Variants in KCTD15 observed in about 807,000 individuals in gnomAD.
The protein encoded by KCTD15 is potassium channel tetramerization domain containing 15.
Under a neutral mutation model 27.2 loss-of-function variants are expected in KCTD15, and 11 were observed. The ratio of observed to expected loss-of-function variants is 0.41; its 90% CI spans 0.25 to 0.67. The LOEUF (loss-of-function observed/expected upper bound fraction) is 0.67, where lower values mean the gene tolerates loss of function less well. Among genes scored for constraint, KCTD15 ranks in the 30% least tolerant of loss-of-function variants. The probability of loss-of-function intolerance (pLI) is 0.35; values close to 1 mark genes in which losing one functional copy is unlikely to be tolerated. For synonymous variants in KCTD15, 163 were observed against 176.0 expected, an observed-to-expected ratio of 0.93 and a Z score of 0.58; for missense variants, 350 against 409.3, an observed-to-expected ratio of 0.86 and a Z score of 1.25.
At position 33,813,339 on chromosome 19, in the gene KCTD15, G is replaced by T. The variant is rs781146517; in HGVS notation, c.*391G>T. ...GGCAGACTCTGGCGGGTCTCCTAGC[G>T]TCCGAGAGATGGCTTATTTTCTACA... On this transcript the variant is annotated 3_prime_UTR_variant, in exon 7 of 7. Coordinates refer to ENST00000683859, the MANE Select transcript of KCTD15 (RefSeq NM_001129994.2). 5 of 475,056 alleles carry T rather than the reference G, an allele frequency of 1.1e-5. No homozygotes were observed. The highest frequency in any genetic ancestry group is 4.7e-5 in the South Asian group (3 of 63,986). 29.4% of individuals were successfully genotyped at this position (475,056 alleles called of 1,614,324 possible).
chr19:33,804,015 C>G lies in KCTD15; in HGVS notation c.242+2673C>G, dbSNP rs114986079. Among the ~76,000 whole-genome samples the G allele has an allele frequency of 2.6e-5, 4 of 151,080 alleles. No individual in the cohort carries two copies. In the East Asian group the frequency reaches 7.7e-4, roughly 29 times the overall value. On this transcript the variant is annotated intron_variant, in intron 4 of 6. Transcript: ENST00000683859. ...GACTTCGGAAGCCGGCCCCTCAAAC[C>G]CTGCATCCTCTCTCAGAGGGTGGCC...
At chr19:33,812,040 T>C in intron 6 of KCTD15, 28 of 1,405,238 alleles carry the variant, frequency 2.0e-5, no homozygotes, top group Non-Finnish European at 1.8e-5. Flanking sequence ...TCAGATGGAG[T>C]GAGGGCCTAT....
chr19:33,811,649 C>T (rs754930228), intron 6 of KCTD15, 97 bp downstream of exon 6: 3 of 1,510,884 alleles, frequency 2.0e-6, no homozygotes, highest in East Asian at 2.3e-5. Flanking sequence ...ATCCCTGAAA[C>T]GGTGAAGCCC....
chr19:33,808,439 G>A (rs1568381207), intron 5 of KCTD15, among the ~76,000 whole-genome samples: 1 of 152,204 alleles, frequency 6.6e-6, no homozygotes, highest in Non-Finnish European at 1.5e-5. Flanking sequence ...GGCAGAACGG[G>A]GCCAAACAGG....
upstream of KCTD15, among the ~76,000 whole-genome samples, chr19:33,795,526 C>CGCACCCG (rs1975294515): frequency 6.6e-6 from 1 of 151,758 alleles, no homozygotes; most frequent in Admixed American, 6.6e-5. Flanking sequence ...CCGGCCCGTG[C>CGCACCCG]GCACCCGCCC....
chr19:33,809,531 G>A (rs941633291), intron 5 of KCTD15, among the ~76,000 whole-genome samples: 3 of 151,882 alleles, frequency 2.0e-5, no homozygotes, highest in Non-Finnish European at 4.4e-5. Flanking sequence ...GAAATCCTGG[G>A]CCATGACAAA....
intron 5 of KCTD15, among the ~76,000 whole-genome samples, 159 bp from the exon 6 acceptor site, chr19:33,811,088 C>T (rs1191310091): frequency 6.6e-6 from 1 of 152,140 alleles, no homozygotes; most frequent in Non-Finnish European, 1.5e-5. Flanking sequence ...TCAGTTGCCC[C>T]ATCTGTACAA....
At position 33,813,438 on chromosome 19, in the gene KCTD15, G is replaced by GCTCAGTT. The variant is rs1975996085; in HGVS notation, c.*497_*503dup. 2.2e-6 allele frequency: 1 copy of GCTCAGTT among 456,538 alleles called. No homozygotes were observed. The highest frequency in any genetic ancestry group is 4.4e-6 in the Non-Finnish European group (1 of 226,998). 28.3% of individuals were successfully genotyped at this position (456,538 alleles called of 1,614,324 possible). A position where few individuals can be genotyped will look rare whatever the true frequency, so the allele number is the denominator to read the frequency against. On this transcript the variant is annotated 3_prime_UTR_variant, in exon 7 of 7. Transcript: ENST00000683859. ...AAGGACCAATGCTTCTTTATCTGGT[G>GCTCAGTT]CTCAGTTCTCAGTCAGACGTGCAGC...
rs942156746 is a variant in KCTD15 at position 33,813,538 on chromosome 19, C to G, written c.*590C>G. 1.0e-5 allele frequency: 4 copies of G among 391,226 alleles called. No individual in the cohort carries two copies. The highest frequency in any genetic ancestry group is 2.0e-5 in the Non-Finnish European group (4 of 198,044). The allele number at this position is 391,226 out of a possible 1,614,324, so 24.2% of individuals were successfully genotyped here. Reference sequence around the variant, plus strand: ...AGGGCTGGGGCTCTCGGGACAGATGCAGGGATGTGTGCTGCAGGGCTGCTG... The same window carrying G: ...AGGGCTGGGGCTCTCGGGACAGATGGAGGGATGTGTGCTGCAGGGCTGCTG... On this transcript the variant is annotated 3_prime_UTR_variant, in exon 7 of 7. Transcript: ENST00000683859.
At chr19:33,798,257 A>G (rs1396952212) in intron 1 of KCTD15, 1 of 145,536 alleles carries the variant, frequency 6.9e-6, no homozygotes, top group African/African-American at 2.6e-5. Context: ...TATGGTTAAA[A>G]TAACAGCTTA....
At position 33,814,680 on chromosome 19, in the gene KCTD15, C is replaced by T. The variant is rs1468740510; in HGVS notation, c.*1732C>T. On this transcript the variant is annotated 3_prime_UTR_variant, in exon 7 of 7. Coordinates refer to ENST00000683859, the MANE Select transcript of KCTD15 (RefSeq NM_001129994.2). ...ACCAAGTCATGCAGCCAGCGTGAGA[C>T]CTGCAGTTCACCTAAGCACAGAACG... The T allele has an allele frequency of 1.3e-5, 2 of 152,244 alleles. No homozygotes were observed. Among genetic ancestry groups the T allele is most frequent in the Non-Finnish European group, 2.9e-5 (2 of 68,072 alleles). The allele number at this position is 152,244 out of a possible 1,614,324, so 9.4% of individuals were successfully genotyped here.
At chr19:33,798,286 A>C (rs1252988959) in intron 1 of KCTD15, 3 of 151,284 alleles carry the variant, frequency 2.0e-5, no homozygotes, top group African/African-American at 7.3e-5. Flanking sequence ...GCGACTTCAG[A>C]AGAAGCGATT....
chr19:33,811,191 T>TCCCCCCCCCCCCCCACCCCCCCCC, intron 5 of KCTD15, 56 bp from the exon 6 acceptor site: 1 of 615,002 alleles, frequency 1.6e-6, no homozygotes, highest in East Asian at 5.6e-5. Context: ...CTCTCCCCCT[T>TCCCCCCCCCCCCCCACCCCCCCCC]CCCCCACCAC....
chr19:33,811,356 G>T lies in KCTD15; in HGVS notation c.497G>T (p.Cys166Phe). The change falls in exon 6 of 7, where the codon TGT becomes TTT. Residue 166 changes from cysteine to phenylalanine, a missense_variant. By Grantham distance (205) the Cys-to-Phe change is radical. Around this residue, in one of 3 missense-constraint regions of KCTD15, gnomAD observed 219 missense variants for 234.9 expected, o/e 0.93. Transcript: ENST00000683859. ...EQEQRRRSRA[C>F]DCLVVRVTPD... ...GAGCAGCGGCGCCGCAGCCGGGCCT[G>T]TGACTGCCTGGTGGTGCGCGTCACG... The T allele has an allele frequency of 6.4e-7, 1 of 1,574,246 alleles. No homozygotes were observed. Among genetic ancestry groups the T allele is most frequent in the Non-Finnish European group, 8.6e-7 (1 of 1,160,274 alleles).
chr19:33,806,994 C>A lies in KCTD15; in HGVS notation c.374C>A (p.Pro125Gln), dbSNP rs1428740475. Residue 125 changes from proline (P) to glutamine (Q), a missense_variant, in exon 5 of 7, where the codon CCG (proline) becomes CAG (glutamine). Transcript: ENST00000683859. ...SFLRTSKLLL[P>Q]DDFKDFSLLY... is the part of the protein sequence containing the mutation. ...CTGCGGACGTCCAAGCTGCTGCTTC[C>A]GGATGACTTTAAGGTAAGTCCATGG... The A allele has an allele frequency of 6.2e-7, 1 of 1,614,058 alleles. No individual in the cohort carries two copies. The highest frequency in any genetic ancestry group is 2.2e-5 in the East Asian group (1 of 44,876).
intron 4 of KCTD15, among the ~76,000 whole-genome samples, chr19:33,804,099 A>T (rs1031588612): frequency 6.6e-6 from 1 of 152,214 alleles, no homozygotes; most frequent in African/African-American, 2.4e-5. Context: ...TCATACCTGC[A>T]GGGCTGAGAA....
At chr19:33,810,714 A>C (rs1975870883) in intron 5 of KCTD15, among the ~76,000 whole-genome samples, 1 of 151,738 alleles carries the variant, frequency 6.6e-6, no homozygotes, top group Admixed American at 6.6e-5. Context: ...AAAAACCAAG[A>C]GGCTCAGTTA....
At chr19:33,809,030 G>A (rs1975800712) in intron 5 of KCTD15, among the ~76,000 whole-genome samples, 1 of 151,938 alleles carries the variant, frequency 6.6e-6, no homozygotes, top group African/African-American at 2.4e-5. Flanking sequence ...TAATTCTAGC[G>A]CTTTGGGAGG....
At chr19:33,800,389 G>C (rs1975488018) in intron 2 of KCTD15, 39 bp from the exon 3 acceptor site, 1 of 1,476,162 alleles carries the variant, frequency 6.8e-7, no homozygotes, top group Non-Finnish European at 9.3e-7. Flanking sequence ...ATGACTAGGA[G>C]GAATAAGCCT....
Sources: allele counts gnomAD v4.1 joint callset (sites outside exome capture counted in the v4.1 genomes callset), GRCh38; gene constraint gnomAD v4.1.1; regional missense constraint gnomAD v4.1.1; transcripts MANE v1.5; gene names NCBI Gene and HGNC (gene_info 2026-07-23, HGNC 2026-07-21).